OSCP1: variants seen among roughly 807,000 people sequenced by gnomAD.
OSCP1 encodes organic solute carrier partner 1, also known as protein OSCP1.
OSCP1 carries 35 observed loss-of-function variants against 45.1 expected under a neutral mutation model. The ratio of observed to expected loss-of-function variants is 0.78; its 90% CI spans 0.59 to 1.03. The LOEUF (loss-of-function observed/expected upper bound fraction) is 1.03, where lower values mean the gene tolerates loss of function less well. Among genes scored for constraint, OSCP1 ranks in the 50% least tolerant of loss-of-function variants. OSCP1 has a pLI of 0.00. For missense variants in OSCP1, 400 were observed against 470.7 expected (o/e 0.85, Z 1.39); for synonymous variants, 179 against 180.1 (o/e 0.99, Z 0.05).
At chr1:36,445,053 T>A (rs907835814) in intron 1 of OSCP1, among the ~76,000 whole-genome samples, 2 of 152,142 alleles carry the variant, frequency 1.3e-5, no homozygotes, top group African/African-American at 4.8e-5. Context: ...CACATCTGTA[T>A]TTCAAAAACA....
At chr1:36,431,170 G>A (rs891517777) in intron 4 of OSCP1, among the ~76,000 whole-genome samples, 5 of 152,164 alleles carry the variant, frequency 3.3e-5, no homozygotes, top group Non-Finnish European at 7.3e-5. Context: ...TCAGCAAGGT[G>A]GTGGAGATGT....
At chr1:36,437,086 C>T (rs1648797277) in intron 2 of OSCP1, among the ~76,000 whole-genome samples, 1 of 152,104 alleles carries the variant, frequency 6.6e-6, no homozygotes, top group African/African-American at 2.4e-5. Context: ...GGTAGTTTAT[C>T]AAGTTTCTCT....
At chr1:36,423,499 T>G (rs371603054) in intron 4 of OSCP1, 33 bp from the exon 5 acceptor site, 1 of 1,527,122 alleles carries the variant, frequency 6.5e-7, no homozygotes, top group African/African-American at 1.4e-5. Flanking sequence ...TCATTTTTCT[T>G]GGTATATTTT....
chr1:36,425,461 A>G (rs1819662), intron 4 of OSCP1, among the ~76,000 whole-genome samples: 15,561 of 152,104 alleles, frequency 0.1, 948 homozygotes, highest in East Asian at 0.3. Flanking sequence ...CCGGCTGGGT[A>G]CAGTGGCTCA....
chr1:36,422,227 G>A lies in OSCP1; in HGVS notation c.750-8C>T. 6.2e-7 allele frequency: 1 copy of A among 1,613,576 alleles called. No individual in the cohort carries two copies. The highest frequency in any genetic ancestry group is 8.5e-7 in the Non-Finnish European group (1 of 1,179,470). On this transcript the variant is annotated splice_region_variant and splice_polypyrimidine_tract_variant and intron_variant, in intron 6 of 9. Coordinates refer to ENST00000235532, the MANE Select transcript of OSCP1 (RefSeq NM_145047.5). ...GGCTGATTCACGCTGTACCTGGTGT[G>A]TCAACAGAAAATGGTGACATTATCC...
In OSCP1 at chr1:36,428,350, C is replaced by T. The variant is rs1481253389; in HGVS notation, c.516+3452G>A. On this transcript the variant is annotated intron_variant, in intron 4 of 9. Coordinates refer to ENST00000235532, the MANE Select transcript of OSCP1 (RefSeq NM_145047.5). ...TTGCCCAGGTACAAAACTCAAAGTT[C>T]TCAAAAGGGTATACATAATGGAAAG... 5 of 1,613,034 alleles carry T rather than the reference C, an allele frequency of 3.1e-6. No individual in the cohort carries two copies. In the African/African-American group the frequency reaches 4.0e-5, roughly 13 times the overall value.
intron 4 of OSCP1, 44 bp from the exon 5 acceptor site, chr1:36,423,510 C>A: frequency 6.9e-7 from 1 of 1,453,304 alleles, no homozygotes. Context: ...GGTATATTTT[C>A]ATAGACATCA....
intron 4 of OSCP1, among the ~76,000 whole-genome samples, chr1:36,431,020 G>T (rs907912309): frequency 1.3e-5 from 2 of 152,204 alleles, no homozygotes; most frequent in Non-Finnish European, 2.9e-5. Flanking sequence ...TGACATTCTG[G>T]TTCTGAGTCA....
intron 4 of OSCP1, among the ~76,000 whole-genome samples, chr1:36,424,759 A>T (rs1237232133): frequency 6.6e-6 from 1 of 152,216 alleles, no homozygotes; most frequent in African/African-American, 2.4e-5. Context: ...TCTCATAAAG[A>T]TAGTAGCAGT....
intron 9 of OSCP1, 132 bp downstream of exon 9, chr1:36,418,859 T>G (rs1570494708): frequency 4.4e-6 from 3 of 680,096 alleles, no homozygotes; most frequent in Non-Finnish European, 2.5e-6. Context: ...ACCTGGGAGG[T>G]GGAAGTTGCG....
At chr1:36,419,638 G>T (rs1462514356) in intron 8 of OSCP1, among the ~76,000 whole-genome samples, 6 of 152,138 alleles carry the variant, frequency 3.9e-5, no homozygotes, top group Middle Eastern at 3.2e-3. Flanking sequence ...ATAAATCACC[G>T]TGGGTGATTT....
chr1:36,447,857 T>A lies in OSCP1; in HGVS notation c.112+2401A>T, dbSNP rs1338379403. On this transcript the variant is annotated intron_variant, in intron 1 of 9. Coordinates refer to ENST00000235532, the MANE Select transcript of OSCP1 (RefSeq NM_145047.5). This position sits in a 1 kb window ranked among gnomAD's most constrained non-coding sequence, Gnocchi z 4.1. ...GGGCTGCATCAGGCTCCATATAGTA[T>A]CTCACATAGTGTTTGACACTCAGTC... is the stretch of plus-strand genomic sequence containing the variant. 1.3e-5 allele frequency: 6 copies of A among 450,628 alleles called. No individual in the cohort carries two copies. Among genetic ancestry groups the A allele is most frequent in the South Asian group, 6.2e-5 (4 of 64,206 alleles). The allele number at this position is 450,628 out of a possible 1,614,324, so 27.9% of individuals were successfully genotyped here.
chr1:36,432,455 C>A lies in OSCP1; in HGVS notation c.402G>T (p.Gln134His), dbSNP rs1051732424. 4.3e-6 allele frequency: 7 copies of A among 1,613,978 alleles called. No individual in the cohort carries two copies. In the African/African-American group the frequency reaches 9.3e-5, roughly 22 times the overall value. ...GFIRDSPTIL[Q>H]QVDETLRQLT... ...GCTGCCGCAAAGTCTCGTCCACTTG[C>A]TGCAGGATGGTTGGGGAGTCTCGGA... Residue 134 changes from glutamine to histidine, a missense_variant, in exon 3 of 10, where the codon CAG (glutamine) becomes CAT (histidine). Transcript: ENST00000235532.
intron 8 of OSCP1, 23 bp downstream of exon 8, chr1:36,420,453 A>G: frequency 1.2e-6 from 2 of 1,604,496 alleles, no homozygotes; most frequent in Admixed American, 3.4e-5. Flanking sequence ...ATATGTCTTT[A>G]ACGAAACAGG....
At chr1:36,435,311 T>A (rs1053644500) in intron 2 of OSCP1, among the ~76,000 whole-genome samples, 1 of 149,924 alleles carries the variant, frequency 6.7e-6, no homozygotes, top group Admixed American at 6.7e-5. Flanking sequence ...GTTTTTTTTT[T>A]AATATGTTAA....
intron 2 of OSCP1, among the ~76,000 whole-genome samples, chr1:36,434,507 T>C (rs77796002): frequency 6.6e-6 from 1 of 152,114 alleles, no homozygotes; most frequent in African/African-American, 2.4e-5. Flanking sequence ...CCCAGCACTT[T>C]GGGAGGCCGA....
intron 1 of OSCP1, among the ~76,000 whole-genome samples, chr1:36,441,750 CAAAAAAAAAAAA>C (rs575967932): frequency 5.1e-5 from 3 of 58,282 alleles, no homozygotes; most frequent in Middle Eastern, 0.022. Flanking sequence ...GACTCCAGCT[CAAAAAAAAAAAA>C]AAAAAAAAAA....
At chr1:36,419,127 G>T in intron 8 of OSCP1, 73 bp from the exon 9 acceptor site, 2 of 1,356,330 alleles carry the variant, frequency 1.5e-6, no homozygotes, top group African/African-American at 1.4e-5. Flanking sequence ...ACTGGCTCTT[G>T]ATCAGTTGGC....
At position 36,418,076 on chromosome 1, in the gene OSCP1, A is replaced by T; in HGVS notation, c.*63T>A. On this transcript the variant is annotated 3_prime_UTR_variant, in exon 10 of 10. Transcript: ENST00000235532. ...GCAGCATCATTCTGGGCCATGGGGC[A>T]TTCCCCAGGGGTCACCATCCAGCAG... 7.3e-7 allele frequency: 1 copy of T among 1,377,634 alleles called. No individual in the cohort carries two copies. Among genetic ancestry groups the T allele is most frequent in the Non-Finnish European group, 1.0e-6 (1 of 976,994 alleles). 85.3% of individuals were successfully genotyped at this position (1,377,634 alleles called of 1,614,324 possible).
Sources: gnomAD v4.1 joint callset for allele counts (sites outside exome capture counted in the v4.1 genomes callset) on GRCh38, gnomAD v4.1.1 for gene constraint, Gnocchi (gnomAD v3.1) non-coding constraint, MANE v1.5 for transcripts, NCBI Gene and HGNC (gene_info 2026-07-23, HGNC 2026-07-21) for gene names.